The following SERPINA10 variants were observed in gnomAD, a reference collection of about 807,000 sequenced individuals.
SERPINA10 encodes the protein serpin family A member 10, also known as protein Z-dependent protease inhibitor.
Under a neutral mutation model 28.0 loss-of-function variants are expected in SERPINA10, and 24 were observed. The observed-to-expected ratio is 0.86, with a 90% CI of 0.62 to 1.20. SERPINA10 has a LOEUF of 1.20. Among genes scored for constraint, SERPINA10 ranks in the 50% most tolerant of loss-of-function variants. The pLI, the probability that SERPINA10 is intolerant of heterozygous loss-of-function variation, is 0.00. For missense variants in SERPINA10, 521 were observed against 537.7 expected (o/e 0.97, Z 0.31); for synonymous variants, 207 against 203.9 (o/e 1.02, Z -0.13).
At chr14:94,285,385 T>G (rs1033396383) in intron 4 of SERPINA10, among the ~76,000 whole-genome samples, 1 of 151,886 alleles carries the variant, frequency 6.6e-6, no homozygotes, top group Non-Finnish European at 1.5e-5. Context: ...AAACTTGTTC[T>G]TAGAAGTTTT....
chr14:94,285,580 CAT>C (rs71463937), intron 4 of SERPINA10, among the ~76,000 whole-genome samples: 13 of 150,444 alleles, frequency 8.6e-5, no homozygotes, highest in South Asian at 2.1e-4. Context: ...TATATACACA[CAT>C]ATATATATAT....
intron 3 of SERPINA10, among the ~76,000 whole-genome samples, chr14:94,287,563 C>T (rs1895055041): frequency 6.6e-6 from 1 of 152,204 alleles, no homozygotes; most frequent in African/African-American, 2.4e-5. Flanking sequence ...AGTGTCTTTT[C>T]TCAACACAGG....
chr14:94,283,518 C>A lies in SERPINA10; in HGVS notation c.*447G>T. 4.7e-6 allele frequency: 1 copy of A among 212,348 alleles called. No individual in the cohort carries two copies. Among genetic ancestry groups the A allele is most frequent in the South Asian group, 8.5e-5 (1 of 11,808 alleles). 13.2% of individuals were successfully genotyped at this position (212,348 alleles called of 1,614,324 possible). A position where few individuals can be genotyped will look rare whatever the true frequency, so the allele number is the denominator to read the frequency against. On this transcript the variant is annotated 3_prime_UTR_variant, in exon 5 of 5. Transcript: ENST00000261994. The stretch of plus-strand genomic sequence containing the variant: ...TTGCATTGTCCTGCTCTGTCCCACC[C>A]AGGATGTGAATTCTCCCCTTGCCCA...
At chr14:94,286,007 C>CTACAATTAG in intron 4 of SERPINA10, 101 bp downstream of exon 4, 1 of 1,420,202 alleles carries the variant, frequency 7.0e-7, no homozygotes, top group South Asian at 1.2e-5. Context: ...TAATTTTCCA[C>CTACAATTAG]TACAATTAGG....
chr14:94,285,440 ACTCT>A lies in SERPINA10; in HGVS notation c.1143+664_1143+667del, dbSNP rs56382462. On this transcript the variant is annotated intron_variant, in intron 4 of 4. Transcript: ENST00000261994. ...AAAAGTATGAATCAGAAGTTACAGG[ACTCT>A]CTCTCTCTCTCTCTCCATATATATA... Among the ~76,000 whole-genome samples, 361 of 143,776 alleles carry A rather than the reference ACTCT, an allele frequency of 2.5e-3. 2 individuals are homozygous for A. Among genetic ancestry groups the A allele is most frequent in the African/African-American group, 8.4e-3 (332 of 39,296 alleles). 94.3% of individuals were successfully genotyped at this position (143,776 alleles called of 152,430 possible).
chr14:94,286,074 T>A, intron 4 of SERPINA10, 34 bp downstream of exon 4: 1 of 1,613,052 alleles, frequency 6.2e-7, no homozygotes, highest in Non-Finnish European at 8.5e-7. Flanking sequence ...CATTTCATGC[T>A]GAGGTTGGGC....
chr14:94,286,224 C>T lies in SERPINA10; in HGVS notation c.1027G>A (p.Asp343Asn). ...MEVFFPKFKLDQKYEMHELLR... is the reference protein window; with the variant it reads ...MEVFFPKFKLNQKYEMHELLR... ...AGCTCATGCATCTCATACTTCTGAT[C>T]TAGCTTGAACTTCGGAAAGAAAACT... The change falls in exon 4 of 5, where the codon GAT becomes AAT. Residue 343 changes from aspartate to asparagine, a missense_variant. Physicochemically the swap from Asp to Asn is conservative, Grantham distance 23. Coordinates refer to ENST00000261994, the MANE Select transcript of SERPINA10 (RefSeq NM_001100607.3). The T allele has an allele frequency of 6.2e-7, 1 of 1,614,070 alleles. No individual in the cohort carries two copies. The highest frequency in any genetic ancestry group is 1.1e-5 in the South Asian group (1 of 91,080).
At position 94,284,048 on chromosome 14, in the gene SERPINA10, G is replaced by T. The variant is rs751842440; in HGVS notation, c.1252C>A (p.Arg418=). Residue 418 remains arginine, a synonymous_variant, in exon 5 of 5, where the codon CGG becomes AGG. Transcript: ENST00000261994. ...TCATAGATCATGAAATGAAATGGCCGGTCCACTTTGATGACAGGAGGCATG... is the reference window on the plus strand; with the variant it reads ...TCATAGATCATGAAATGAAATGGCCTGTCCACTTTGATGACAGGAGGCATG... ...YSMPPVIKVD[R]PFHFMIYEET... is the part of the protein sequence containing the mutation. 2 of 1,614,062 alleles carry T rather than the reference G, an allele frequency of 1.2e-6. No individual in the cohort carries two copies. Among genetic ancestry groups the T allele is most frequent in the Admixed American group, 3.3e-5 (2 of 60,000 alleles).
rs924099813 is a variant in SERPINA10 at position 94,293,017 on chromosome 14, C to T, written c.-51+172G>A. ...TGTGTCTATAATTCGCCTCTTACCC[C>T]ACTCCAGCTCCCAATCTGTATGTAC... On this transcript the variant is annotated intron_variant, in intron 1 of 4. Transcript: ENST00000261994. 1.0e-5 allele frequency: 3 copies of T among 301,386 alleles called. No individual in the cohort carries two copies. The South Asian group carries it at 1.4e-4, about 14-fold the overall frequency. 18.7% of individuals were successfully genotyped at this position (301,386 alleles called of 1,614,324 possible). A position where few individuals can be genotyped will look rare whatever the true frequency, so the allele number is the denominator to read the frequency against.
In SERPINA10 at chr14:94,286,171, G is replaced by A; in HGVS notation, c.1080C>T (p.Ile360=). The change falls in exon 4 of 5, where the codon ATC becomes ATT. Residue 360 remains isoleucine (I), a synonymous_variant. Coordinates refer to ENST00000261994, the MANE Select transcript of SERPINA10 (RefSeq NM_001100607.3). Reference sequence around the variant, plus strand: ...CACTAAGGTCAGCAAAGGGTGAGAAGATTCTTCTGATTCCCATCTGCCTAA... The same window carrying A: ...CACTAAGGTCAGCAAAGGGTGAGAAAATTCTTCTGATTCCCATCTGCCTAA... The part of the protein sequence containing the change: ...ELLRQMGIRR[I]FSPFADLSEL... The A allele has an allele frequency of 6.2e-7, 1 of 1,614,102 alleles. No individual in the cohort carries two copies. The highest frequency in any genetic ancestry group is 1.1e-5 in the South Asian group (1 of 91,082).
In SERPINA10 at chr14:94,290,434, C is replaced by T. The variant is rs755604470; in HGVS notation, c.160G>A (p.Glu54Lys). 4.3e-6 allele frequency: 7 copies of T among 1,613,628 alleles called. No homozygotes were observed. Among genetic ancestry groups the T allele is most frequent in the African/African-American group, 1.3e-5 (1 of 74,924 alleles). ...APKEEEEDEQ[E>K]ASEEKASEEE... ...TCACTGGCCTTCTCCTCGCTGGCCT[C>T]CTGCTCATCTTCCTCTTCCTCCTTG... is the stretch of plus-strand genomic sequence containing the variant. Residue 54 changes from glutamate to lysine, a missense_variant, in exon 2 of 5, where the codon GAG (glutamate) becomes AAG (lysine). By Grantham distance (56) the Glu-to-Lys change is moderately conservative. Transcript: ENST00000261994.
rs759587917 is a variant in SERPINA10 at position 94,290,212 on chromosome 14, G to T, written c.382C>A (p.Leu128Ile). 3.7e-6 allele frequency: 6 copies of T among 1,613,830 alleles called. No individual in the cohort carries two copies. The highest frequency in any genetic ancestry group is 1.1e-5 in the South Asian group (1 of 91,082). The change falls in exon 2 of 5, where the codon CTC becomes ATC. Residue 128 changes from leucine (L) to isoleucine (I), a missense_variant. Transcript: ENST00000261994. ...GPTETQIKRG[L>I]HLQALKPTKP... Reference sequence around the variant, plus strand: ...GTGGGCTTCAGGGCCTGCAAGTGGAGCCCTCTCTTGATCTGGGTTTCAGTC... The same window carrying T: ...GTGGGCTTCAGGGCCTGCAAGTGGATCCCTCTCTTGATCTGGGTTTCAGTC...
chr14:94,287,717 A>G (rs530838985), intron 3 of SERPINA10, among the ~76,000 whole-genome samples: 4 of 152,194 alleles, frequency 2.6e-5, no homozygotes, highest in African/African-American at 7.2e-5. Flanking sequence ...TTTATCTCCA[A>G]CTGCTGAAGC....
chr14:94,286,075 G>C (rs1566717574), intron 4 of SERPINA10, 33 bp downstream of exon 4: 1 of 1,613,132 alleles, frequency 6.2e-7, no homozygotes, highest in Non-Finnish European at 8.5e-7. Context: ...ATTTCATGCT[G>C]AGGTTGGGCT....
chr14:94,280,475 A>G lies in SERPINA10; in HGVS notation c.*3490T>C, dbSNP rs1358737684. The G allele has an allele frequency of 6.6e-6, 1 of 152,222 alleles. No homozygotes were observed. The highest frequency in any genetic ancestry group is 1.9e-4 in the East Asian group (1 of 5,204). 9.4% of individuals were successfully genotyped at this position (152,222 alleles called of 1,614,324 possible). On this transcript the variant is annotated 3_prime_UTR_variant, in exon 5 of 5. Coordinates refer to ENST00000261994, the MANE Select transcript of SERPINA10 (RefSeq NM_001100607.3). ...TGACATTTCCTAAAATCTTTGAAAT[A>G]TTTATTAAAATTATACTCTCAAGGA...
intron 4 of SERPINA10, among the ~76,000 whole-genome samples, chr14:94,284,705 CTA>C (rs1432520582): frequency 5.3e-5 from 8 of 152,122 alleles, no homozygotes; most frequent in Admixed American, 2.6e-4. Context: ...TGGCTGCTTG[CTA>C]TGTTTGGGAG....
In SERPINA10 at chr14:94,288,646, A is replaced by G. The variant is rs56105249; in HGVS notation, c.719-87T>C. On this transcript the variant is annotated intron_variant, in intron 2 of 4. Transcript: ENST00000261994. ...TCAAATAATAGAGAGGGAGCCTTCT[A>G]TCTCACTTCTCTCACTTCTCGTCTT... The G allele has an allele frequency of 2.9e-4, 440 of 1,540,638 alleles. 2 individuals carry two copies. In the African/African-American group the frequency reaches 5.4e-3, roughly 19 times the overall value.
intron 2 of SERPINA10, 114 bp downstream of exon 2, chr14:94,289,762 A>G: frequency 1.7e-6 from 2 of 1,208,112 alleles, no homozygotes; most frequent in South Asian, 1.2e-5. Flanking sequence ...GAAACGTGAA[A>G]ACACATTCAT....
At chr14:94,291,075 G>A (rs989401542) in intron 1 of SERPINA10, among the ~76,000 whole-genome samples, 1 of 152,208 alleles carries the variant, frequency 6.6e-6, no homozygotes, top group Non-Finnish European at 1.5e-5. Flanking sequence ...ATGGGTGGCC[G>A]GCCTTGCCCA....
Sources: allele counts gnomAD v4.1 joint callset (sites outside exome capture counted in the v4.1 genomes callset), GRCh38; gene constraint gnomAD v4.1.1; transcripts MANE v1.5; gene names NCBI Gene and HGNC (gene_info 2026-07-23, HGNC 2026-07-21).